Variants in FOXO3 observed in about 807,000 individuals in gnomAD.
FOXO3 encodes forkhead box protein O3.
Under a neutral mutation model 41.9 loss-of-function variants are expected in FOXO3, and 4 were observed. The ratio of observed to expected loss-of-function variants is 0.10; its 90% CI spans 0.05 to 0.22. The LOEUF is 0.22. FOXO3 is among the 10% of genes least tolerant of loss of function. FOXO3 has a pLI of 1.00. For missense variants in FOXO3, 534 were observed against 906.8 expected, an observed-to-expected ratio of 0.59 and a Z score of 5.28; for synonymous variants, 318 against 389.3, an observed-to-expected ratio of 0.82 and a Z score of 2.16.
chr6:108,562,446 C>T (rs1473121292), intron 1 of FOXO3, among the ~76,000 whole-genome samples: 1 of 152,136 alleles, frequency 6.6e-6, no homozygotes, highest in African/African-American at 2.4e-5. Context: ...GATACCTTTT[C>T]TTCTCGGAGA....
chr6:108,621,548 TTTG>T (rs1428478617), intron 1 of FOXO3, among the ~76,000 whole-genome samples: 1 of 152,078 alleles, frequency 6.6e-6, no homozygotes, highest in Non-Finnish European at 1.5e-5. Flanking sequence ...AGTGTTTTTT[TTTG>T]TTTTGTTTTG....
At chr6:108,660,345 A>G (rs2128385801) in intron 1 of FOXO3, among the ~76,000 whole-genome samples, 1 of 152,230 alleles carries the variant, frequency 6.6e-6, no homozygotes, top group Admixed American at 6.5e-5. Context: ...CTTTTTAAAA[A>G]CCGTAAAAGG....
chr6:108,560,195 G>C (rs1775732777), upstream of FOXO3, among the ~76,000 whole-genome samples: 1 of 152,210 alleles, frequency 6.6e-6, no homozygotes, highest in African/African-American at 2.4e-5. Flanking sequence ...GCAGCAGCGG[G>C]AGCAAGGAGG....
chr6:108,574,634 A>G (rs192444611), intron 1 of FOXO3, among the ~76,000 whole-genome samples: 1 of 152,306 alleles, frequency 6.6e-6, no homozygotes, highest in African/African-American at 2.4e-5. Context: ...AGATAGAGAC[A>G]GAAAATGTTG....
At chr6:108,666,828 C>G (rs910387659) in intron 2 of FOXO3, among the ~76,000 whole-genome samples, 1 of 152,160 alleles carries the variant, frequency 6.6e-6, no homozygotes, top group African/African-American at 2.4e-5. Flanking sequence ...GATCTTCTAC[C>G]AACAGGTTTG....
chr6:108,585,051 T>TTTC, intron 1 of FOXO3, among the ~76,000 whole-genome samples: 1 of 143,410 alleles, frequency 7.0e-6, no homozygotes, highest in African/African-American at 2.6e-5. Flanking sequence ...TTTTTTTTTT[T>TTTC]TGAGACAGAG....
chr6:108,560,749 C>T (rs1322406999), upstream of FOXO3: 7 of 249,228 alleles, frequency 2.8e-5, no homozygotes, highest in Non-Finnish European at 3.8e-5. Context: ...GCTCCGGCCG[C>T]TGCCCGCTTT....
intron 1 of FOXO3, among the ~76,000 whole-genome samples, chr6:108,655,595 G>A (rs1432204193): frequency 1.3e-5 from 2 of 152,190 alleles, no homozygotes; most frequent in Non-Finnish European, 2.9e-5. Context: ...CTGAGACTGG[G>A]ATGTGAGTGT....
intron 2 of FOXO3, among the ~76,000 whole-genome samples, chr6:108,670,757 T>G (rs1164167080): frequency 6.6e-6 from 1 of 152,236 alleles, no homozygotes; most frequent in East Asian, 1.9e-4. Context: ...CAGCACCCCC[T>G]TGGAGACAGG....
chr6:108,624,956 G>GT, intron 1 of FOXO3, among the ~76,000 whole-genome samples: 1 of 152,124 alleles, frequency 6.6e-6, no homozygotes, highest in African/African-American at 2.4e-5. Flanking sequence ...GTTTTGTTTT[G>GT]TTTTTTAAAG....
At chr6:108,655,985 C>CT (rs916411548) in intron 1 of FOXO3, among the ~76,000 whole-genome samples, 14 of 152,268 alleles carry the variant, frequency 9.2e-5, no homozygotes, top group African/African-American at 3.1e-4. Flanking sequence ...AAAGACAGTC[C>CT]TTTCCAGTGC....
Position 108,667,067 on chromosome 6 carries a change from G to T in FOXO3, c.*34+2178G>T, listed in dbSNP as rs544948999. 7.2e-5 allele frequency among the ~76,000 whole-genome samples: 11 copies of T among 152,322 alleles called. No homozygotes were observed. In the East Asian group the frequency reaches 1.9e-3, roughly 27 times the overall value. ...TCCAGCTCACGGGTGGTTGCAGAAA[G>T]GGGAATGTTAAGAGTGTTGTGATGC... On this transcript the variant is annotated intron_variant, in intron 2 of 2. Coordinates refer to ENST00000406360, the MANE Select transcript of FOXO3 (RefSeq NM_001455.4).
At chr6:108,608,771 A>T (rs896469148) in intron 1 of FOXO3, among the ~76,000 whole-genome samples, 7 of 152,178 alleles carry the variant, frequency 4.6e-5, no homozygotes, top group African/African-American at 1.4e-4. Context: ...CTAATAGTAA[A>T]CGCTTCAGAA....
rs558933497 is a variant in FOXO3 at position 108,638,928 on chromosome 6, C to A, written c.622-24527C>A. On this transcript the variant is annotated intron_variant, in intron 1 of 2. Transcript: ENST00000406360. ...AAATCTACAGTCAGAAAAGTGGCAC[C>A]GTGTCCTGCCTAATGGTGTTCGGGG... Among the ~76,000 whole-genome samples the A allele has an allele frequency of 6.6e-5, 10 of 152,246 alleles. No homozygotes were observed. In the South Asian group the frequency reaches 2.1e-3, roughly 32 times the overall value.
At chr6:108,585,294 C>T (rs1005278312) in intron 1 of FOXO3, among the ~76,000 whole-genome samples, 8 of 152,142 alleles carry the variant, frequency 5.3e-5, no homozygotes, top group African/African-American at 7.2e-5. Flanking sequence ...CCACCCGCCT[C>T]GGCCTCCCAA....
At position 108,561,212 on chromosome 6, in the gene FOXO3, G is replaced by A. The variant is rs1175724154; in HGVS notation, c.4G>A (p.Ala2Thr). The change falls in exon 1 of 3, where the codon GCA becomes ACA. Residue 2 changes from alanine (A) to threonine (T), a missense_variant. Coordinates refer to ENST00000406360, the MANE Select transcript of FOXO3 (RefSeq NM_001455.4). ...CGCGGGCGGGCGGGCGGCGAAGATG[G>A]CAGAGGCACCGGCTTCCCCGGCCCC... The part of the protein sequence containing the change: M[A>T]EAPASPAPLS... 3 of 1,539,760 alleles carry A rather than the reference G, an allele frequency of 1.9e-6. No homozygotes were observed. The Admixed American group carries it at 5.9e-5, about 30-fold the overall frequency.
intron 1 of FOXO3, among the ~76,000 whole-genome samples, chr6:108,643,210 A>T (rs192284526): frequency 5.3e-5 from 8 of 152,084 alleles, no homozygotes. Context: ...TCATTCTTGT[A>T]ATTTTCATTT....
chr6:108,665,802 C>A (rs149269451), intron 2 of FOXO3, among the ~76,000 whole-genome samples: 1,468 of 128,860 alleles, frequency 0.011, 9 homozygotes, highest in Non-Finnish European at 0.017. Context: ...AAGCAAGAAC[C>A]TATCTCTTAG....
At chr6:108,587,820 C>G (rs1776625343) in intron 1 of FOXO3, among the ~76,000 whole-genome samples, 3 of 152,196 alleles carry the variant, frequency 2.0e-5, no homozygotes, top group Admixed American at 2.0e-4. Flanking sequence ...TTTTGCCCAC[C>G]TGTATTGTGT....
Sources: gnomAD v4.1 joint callset for allele counts (sites outside exome capture counted in the v4.1 genomes callset) on GRCh38, gnomAD v4.1.1 for gene constraint, MANE v1.5 for transcripts, NCBI Gene and HGNC (gene_info 2026-07-23, HGNC 2026-07-21) for gene names.